Variants in AHCYL2 observed in about 807,000 individuals in gnomAD.
AHCYL2 encodes adenosylhomocysteinase like 2.
In AHCYL2, 28 loss-of-function variants were observed where a neutral mutation model predicts 81.4. That is an observed-to-expected ratio of 0.34 (90% CI 0.25 to 0.47). AHCYL2 has a LOEUF of 0.47. AHCYL2 is among the 20% of genes least tolerant of loss of function. The pLI, the probability that AHCYL2 is intolerant of heterozygous loss-of-function variation, is 1.00. For missense variants in AHCYL2, 551 were observed against 785.1 expected, an observed-to-expected ratio of 0.70 and a Z score of 3.56; for synonymous variants, 272 against 290.2, an observed-to-expected ratio of 0.94 and a Z score of 0.64.
At chr7:129,400,415 T>C in intron 6 of AHCYL2, 31 bp downstream of exon 6, 1 of 1,603,082 alleles carries the variant, frequency 6.2e-7, no homozygotes. Context: ...CACAATTCTG[T>C]AGGGGTCAGG....
intron 1 of AHCYL2, among the ~76,000 whole-genome samples, chr7:129,340,342 C>T (rs961681270): frequency 1.3e-5 from 2 of 150,710 alleles, no homozygotes; most frequent in Admixed American, 1.3e-4. Flanking sequence ...CCAAGACGGG[C>T]GGATCACGAG....
intron 1 of AHCYL2, among the ~76,000 whole-genome samples, chr7:129,339,322 ATGTATGTAGTC>A (rs1793076440): frequency 6.6e-6 from 1 of 152,204 alleles, no homozygotes; most frequent in Admixed American, 6.5e-5. Context: ...AAACCTAAAA[ATGTATGTAGTC>A]TTTGACCAAA....
At chr7:129,256,551 C>CG (rs1795433320) in intron 1 of AHCYL2, among the ~76,000 whole-genome samples, 2 of 100,994 alleles carry the variant, frequency 2.0e-5, no homozygotes, top group African/African-American at 3.7e-5. Flanking sequence ...CACCCCCCAC[C>CG]CCCCCCCCGC....
At position 129,406,022 on chromosome 7, in the gene AHCYL2, C is replaced by A; in HGVS notation, c.1206+123C>A. 1.1e-6 allele frequency: 1 copy of A among 882,382 alleles called. No homozygotes were observed. The highest frequency in any genetic ancestry group is 1.7e-6 in the Non-Finnish European group (1 of 576,888). 54.7% of individuals were successfully genotyped at this position (882,382 alleles called of 1,614,324 possible). A position where few individuals can be genotyped will look rare whatever the true frequency, so the allele number is the denominator to read the frequency against. ...CCACTTTAGATGAGAAAAAGAATTT[C>A]AGAGGCCTTCTGGTTGAAGTAGACT... On this transcript the variant is annotated intron_variant, in intron 9 of 16. Coordinates refer to ENST00000325006, the MANE Select transcript of AHCYL2 (RefSeq NM_015328.4). This position sits in a 1 kb window ranked among gnomAD's most constrained non-coding sequence, Gnocchi z 4.3.
At chr7:129,271,480 C>CGG (rs1796015233) in intron 1 of AHCYL2, among the ~76,000 whole-genome samples, 1 of 151,030 alleles carries the variant, frequency 6.6e-6, no homozygotes, top group Non-Finnish European at 1.5e-5. Context: ...ATTCATAGAA[C>CGG]AGAATACTAT....
Position 129,381,043 on chromosome 7 carries a change from C to T in AHCYL2, c.475+1294C>T, listed in dbSNP as rs116693822. Among the ~76,000 whole-genome samples the T allele has an allele frequency of 6.4e-3, 979 of 152,196 alleles. 9 individuals are homozygous for T. The highest frequency in any genetic ancestry group is 0.023 in the African/African-American group (941 of 41,520). ...TGAGCCACTGCGCCAGGCCAGGAAA[C>T]CTATCTTATTCTGCTGAAATAAGCA... On this transcript the variant is annotated intron_variant, in intron 2 of 16. Transcript: ENST00000325006.
intron 4 of AHCYL2, among the ~76,000 whole-genome samples, chr7:129,393,327 A>C (rs1795560373): frequency 6.6e-6 from 1 of 152,190 alleles, no homozygotes. Context: ...CTGAGGTGGG[A>C]GGATTGATTG....
At chr7:129,250,871 C>T (rs144852781) in intron 1 of AHCYL2, among the ~76,000 whole-genome samples, 1 of 152,274 alleles carries the variant, frequency 6.6e-6, no homozygotes, top group Non-Finnish European at 1.5e-5. Context: ...ACTTTGAGTC[C>T]TTCAGTTTTT....
At chr7:129,412,192 A>C (rs1282467154) in intron 11 of AHCYL2, among the ~76,000 whole-genome samples, 1 of 152,162 alleles carries the variant, frequency 6.6e-6, no homozygotes, top group Non-Finnish European at 1.5e-5. Context: ...TACCAAAAAA[A>C]ATACAAAACT....
intron 1 of AHCYL2, among the ~76,000 whole-genome samples, chr7:129,299,779 G>A (rs192759944): frequency 4.8e-4 from 73 of 152,194 alleles, no homozygotes; most frequent in African/African-American, 1.3e-3. Flanking sequence ...CCAACCACAT[G>A]GCATAGAAGT....
At chr7:129,409,962 A>C (rs1333672383) in intron 11 of AHCYL2, among the ~76,000 whole-genome samples, 1 of 150,798 alleles carries the variant, frequency 6.6e-6, no homozygotes, top group Admixed American at 6.6e-5. Flanking sequence ...CTTAGAGTGC[A>C]AGTGAAGCAT....
intron 2 of AHCYL2, among the ~76,000 whole-genome samples, chr7:129,380,043 G>C (rs1402401739): frequency 6.6e-6 from 1 of 151,786 alleles, no homozygotes; most frequent in East Asian, 1.9e-4. Context: ...GATCTTTCCG[G>C]AACAGTATGT....
At chr7:129,239,962 G>A (rs1179062216) in intron 1 of AHCYL2, among the ~76,000 whole-genome samples, 1 of 151,898 alleles carries the variant, frequency 6.6e-6, no homozygotes, top group Non-Finnish European at 1.5e-5. Context: ...GGTGGCTCAC[G>A]CCTGTAATCC....
intron 1 of AHCYL2, among the ~76,000 whole-genome samples, chr7:129,232,269 C>A (rs899379017): frequency 6.6e-6 from 1 of 152,154 alleles, no homozygotes; most frequent in African/African-American, 2.4e-5. Flanking sequence ...AGTATTTAAT[C>A]CTCATGACAA....
At chr7:129,331,038 A>G (rs1489769986) in intron 1 of AHCYL2, among the ~76,000 whole-genome samples, 1 of 152,206 alleles carries the variant, frequency 6.6e-6, no homozygotes, top group Non-Finnish European at 1.5e-5. Context: ...CCAATACATT[A>G]TTTACATAAA....
intron 4 of AHCYL2, among the ~76,000 whole-genome samples, chr7:129,394,164 A>G (rs1795600814): frequency 6.6e-6 from 1 of 151,748 alleles, no homozygotes; most frequent in South Asian, 2.1e-4. Context: ...ATATACCACT[A>G]TGCCTGGCTA....
At chr7:129,250,692 T>C (rs905371177) in intron 1 of AHCYL2, among the ~76,000 whole-genome samples, 1 of 152,194 alleles carries the variant, frequency 6.6e-6, no homozygotes, top group Admixed American at 6.5e-5. Context: ...TCTCCTAATA[T>C]ATCCTTTATA....
intron 1 of AHCYL2, among the ~76,000 whole-genome samples, chr7:129,307,879 C>T (rs36016296): frequency 6.6e-6 from 1 of 151,738 alleles, no homozygotes; most frequent in Non-Finnish European, 1.5e-5. Context: ...TAGAAATGTC[C>T]GGGAGCTAGG....
intron 1 of AHCYL2, among the ~76,000 whole-genome samples, chr7:129,376,956 C>G (rs982759593): frequency 6.6e-6 from 1 of 152,198 alleles, no homozygotes; most frequent in African/African-American, 2.4e-5. Flanking sequence ...CTTCCCAGCT[C>G]TTTTTGCCCT....
Sources: allele counts gnomAD v4.1 joint callset (sites outside exome capture counted in the v4.1 genomes callset), GRCh38; gene constraint gnomAD v4.1.1; non-coding constraint Gnocchi (gnomAD v3.1); transcripts MANE v1.5; gene names NCBI Gene and HGNC (gene_info 2026-07-23, HGNC 2026-07-21).